GALNT18: variants seen among roughly 807,000 people sequenced by gnomAD.
GALNT18 encodes the protein GalNAc-transferase 18.
A neutral mutation model predicts 69.5 loss-of-function variants in GALNT18; 44 were observed. The ratio of observed to expected loss-of-function variants is 0.63; its 90% CI spans 0.50 to 0.81. The LOEUF (loss-of-function observed/expected upper bound fraction) is 0.81, where lower values mean the gene tolerates loss of function less well. Ranked by LOEUF, GALNT18 falls within the 40% of genes least tolerant of loss-of-function variation. GALNT18 has a pLI of 0.00. For missense variants in GALNT18, 715 were observed against 810.0 expected (o/e 0.88, Z 1.42); for synonymous variants, 364 against 318.2 (o/e 1.14, Z -1.53).
At chr11:11,287,167 T>C (rs559167935) in intron 10 of GALNT18, among the ~76,000 whole-genome samples, 1 of 152,332 alleles carries the variant, frequency 6.6e-6, no homozygotes, top group African/African-American at 2.4e-5. Flanking sequence ...CCTTCAGAGA[T>C]CTGCAGGTAG....
chr11:11,532,252 A>G (rs192973399), intron 1 of GALNT18, among the ~76,000 whole-genome samples: 1 of 152,310 alleles, frequency 6.6e-6, no homozygotes. Flanking sequence ...AAAGATGACT[A>G]TCATTCATTG....
intron 6 of GALNT18, among the ~76,000 whole-genome samples, chr11:11,363,398 A>G (rs1394811761): frequency 6.6e-6 from 1 of 152,214 alleles, no homozygotes; most frequent in Non-Finnish European, 1.5e-5. Context: ...ATTTGACTGT[A>G]CATCCTAGTG....
In GALNT18 at chr11:11,278,521, G is replaced by A. The variant is rs932254550; in HGVS notation, c.1678-7231C>T. Among the ~76,000 whole-genome samples the A allele has an allele frequency of 2.0e-5, 3 of 151,966 alleles. No homozygotes were observed. In the East Asian group the frequency reaches 5.8e-4, roughly 29 times the overall value. The stretch of plus-strand genomic sequence containing the variant: ...CAGAACTTATAGTATAAAAAAAAAA[G>A]GGAGATTGTTATTTGCAACAACATG... On this transcript the variant is annotated intron_variant, in intron 10 of 10. Coordinates refer to ENST00000227756, the MANE Select transcript of GALNT18 (RefSeq NM_198516.3).
intron 9 of GALNT18, among the ~76,000 whole-genome samples, chr11:11,322,572 G>A (rs2133040051): frequency 6.6e-6 from 1 of 152,240 alleles, no homozygotes; most frequent in South Asian, 2.1e-4. Context: ...TCAGAGAACT[G>A]CAAATTAAAA....
chr11:11,328,770 T>G (rs1300685822), intron 8 of GALNT18, among the ~76,000 whole-genome samples: 1 of 152,144 alleles, frequency 6.6e-6, no homozygotes, highest in Non-Finnish European at 1.5e-5. Context: ...TAAACACACT[T>G]TGTTCTTGTC....
At position 11,620,316 on chromosome 11, in the gene GALNT18, AGCGCGC is replaced by A. The variant is rs61471579; in HGVS notation, c.235+1037_235+1042del. ...GGGGAGGGGAGGAAGTGTGGACGTGAGCGCGCGCGCGCGCGCGTGTGTGTGTGTGTG... is the reference window on the plus strand; with the variant it reads ...GGGGAGGGGAGGAAGTGTGGACGTGAGCGCGCGCGCGTGTGTGTGTGTGTG... On this transcript the variant is annotated intron_variant, in intron 1 of 10. Coordinates refer to ENST00000227756, the MANE Select transcript of GALNT18 (RefSeq NM_198516.3). The surrounding 1 kb of genome is among the most constrained non-coding windows in gnomAD (Gnocchi z 6.9). Among the ~76,000 whole-genome samples the A allele has an allele frequency of 0.014, 2,030 of 148,010 alleles. 15 individuals are homozygous for A. Among genetic ancestry groups the A allele is most frequent in the South Asian group, 0.023 (107 of 4,674 alleles).
chr11:11,362,020 A>G (rs922251929), intron 6 of GALNT18, among the ~76,000 whole-genome samples: 1 of 152,178 alleles, frequency 6.6e-6, no homozygotes, highest in African/African-American at 2.4e-5. Flanking sequence ...CCAGAAACAG[A>G]CCCAAAAGTA....
At chr11:11,288,414 T>G (rs1849235043) in intron 10 of GALNT18, among the ~76,000 whole-genome samples, 1 of 152,226 alleles carries the variant, frequency 6.6e-6, no homozygotes, top group Non-Finnish European at 1.5e-5. Flanking sequence ...GCCTCCTATG[T>G]GAAGCCATCT....
rs1371207350 is a variant in GALNT18 at position 11,389,813 on chromosome 11, G to T, written c.596-10549C>A. Among the ~76,000 whole-genome samples, 1 of 152,166 alleles carries T rather than the reference G, an allele frequency of 6.6e-6. No homozygotes were observed. Among genetic ancestry groups the T allele is most frequent in the South Asian group, 2.1e-4 (1 of 4,822 alleles). On this transcript the variant is annotated intron_variant, in intron 3 of 10. Transcript: ENST00000227756. This position sits in a 1 kb window ranked among gnomAD's most constrained non-coding sequence, Gnocchi z 4.3. ...CCACTGTGCAAAGGGAATTCCAGGAGGCCCAGGTCCAGGTCCTCCTGCCCT... is the reference window on the plus strand; with the variant it reads ...CCACTGTGCAAAGGGAATTCCAGGATGCCCAGGTCCAGGTCCTCCTGCCCT...
chr11:11,289,397 G>A (rs549321898), intron 10 of GALNT18, among the ~76,000 whole-genome samples: 3 of 152,292 alleles, frequency 2.0e-5, no homozygotes, highest in Non-Finnish European at 4.4e-5. Flanking sequence ...ATGCCAAAGT[G>A]GCTGAAAACT....
chr11:11,550,036 C>A (rs7126982), intron 1 of GALNT18, among the ~76,000 whole-genome samples: 3,302 of 152,312 alleles, frequency 0.022, 83 homozygotes, highest in African/African-American at 0.057. Context: ...GAAAAGGCAG[C>A]CTGTGCCTCC....
At chr11:11,548,791 A>C (rs1293987634) in intron 1 of GALNT18, among the ~76,000 whole-genome samples, 1 of 152,254 alleles carries the variant, frequency 6.6e-6, no homozygotes, top group Non-Finnish European at 1.5e-5. Context: ...AATTCAATTA[A>C]CAGATCTCTA....
chr11:11,271,383 A>C lies in GALNT18; in HGVS notation c.1678-93T>G, dbSNP rs554605693. On this transcript the variant is annotated intron_variant, in intron 10 of 10. Coordinates refer to ENST00000227756, the MANE Select transcript of GALNT18 (RefSeq NM_198516.3). ...GGCCAAGTGGCTGGTGAGGGCTGAC[A>C]TTATCTGTGTGGCCAGATCCCAGGA... 197 of 1,339,690 alleles carry C rather than the reference A, an allele frequency of 1.5e-4. 2 individuals carry two copies. In the South Asian group the frequency reaches 2.4e-3, roughly 16 times the overall value. The allele number at this position is 1,339,690 out of a possible 1,614,324, so 83.0% of individuals were successfully genotyped here.
chr11:11,308,847 C>T (rs1052642387), intron 9 of GALNT18, among the ~76,000 whole-genome samples: 3 of 152,192 alleles, frequency 2.0e-5, no homozygotes, highest in Non-Finnish European at 2.9e-5. Flanking sequence ...ATTCACGTTG[C>T]ACTGTGGCCT....
At chr11:11,420,320 C>T (rs1451584272) in intron 3 of GALNT18, among the ~76,000 whole-genome samples, 2 of 152,142 alleles carry the variant, frequency 1.3e-5, no homozygotes, top group African/African-American at 4.8e-5. Flanking sequence ...CCCTCACCAT[C>T]CAACAAGGAG....
rs1342795619 is a variant in GALNT18, at chr11:11,587,693, T to C, written c.235+33666A>G. Among the ~76,000 whole-genome samples the C allele has an allele frequency of 2.0e-5, 3 of 152,206 alleles. No individual in the cohort carries two copies. Among genetic ancestry groups the C allele is most frequent in the African/African-American group, 7.2e-5 (3 of 41,540 alleles). ...AGTCATCAACATCAAAACCAACCTATAACAAGGAAAATTAACAGGCAACAT... is the reference window on the plus strand; with the variant it reads ...AGTCATCAACATCAAAACCAACCTACAACAAGGAAAATTAACAGGCAACAT... On this transcript the variant is annotated intron_variant, in intron 1 of 10. Transcript: ENST00000227756. The surrounding 1 kb of genome is among the most constrained non-coding windows in gnomAD (Gnocchi z 4.4).
At position 11,544,699 on chromosome 11, in the gene GALNT18, T is replaced by A. The variant is rs551396671; in HGVS notation, c.235+76660A>T. ...GCATGCATTAGGTATTTGTCCTAAATGCATCACAATTCTTGAACTTGGGTG... is the reference window on the plus strand; with the variant it reads ...GCATGCATTAGGTATTTGTCCTAAAAGCATCACAATTCTTGAACTTGGGTG... On this transcript the variant is annotated intron_variant, in intron 1 of 10. Transcript: ENST00000227756. 2.6e-5 allele frequency among the ~76,000 whole-genome samples: 4 copies of A among 152,372 alleles called. No homozygotes were observed. In the South Asian group the frequency reaches 8.3e-4, roughly 32 times the overall value.
At chr11:11,285,089 G>A (rs180799985) in intron 10 of GALNT18, among the ~76,000 whole-genome samples, 4 of 152,040 alleles carry the variant, frequency 2.6e-5, no homozygotes, top group South Asian at 4.2e-4. Flanking sequence ...CAGGATGGCT[G>A]GAGGGAGTTT....
intron 3 of GALNT18, among the ~76,000 whole-genome samples, chr11:11,427,086 C>T (rs983090382): frequency 6.6e-6 from 1 of 152,160 alleles, no homozygotes; most frequent in Non-Finnish European, 1.5e-5. Flanking sequence ...TGCCAAATGT[C>T]CATATTTTTA....
Sources: gnomAD v4.1 joint callset for allele counts (sites outside exome capture counted in the v4.1 genomes callset) on GRCh38, gnomAD v4.1.1 for gene constraint, Gnocchi (gnomAD v3.1) non-coding constraint, MANE v1.5 for transcripts, NCBI Gene and HGNC (gene_info 2026-07-23, HGNC 2026-07-21) for gene names.